Variants in NETO2 observed in about 807,000 individuals in gnomAD.
NETO2 encodes neuropilin and tolloid like 2, also known as neuropilin and tolloid-like protein 2.
NETO2 carries 28 observed loss-of-function variants against 62.5 expected under a neutral mutation model. The observed-to-expected ratio is 0.45, with a 90% CI of 0.33 to 0.61. NETO2 has a LOEUF of 0.61. NETO2 is among the 20% of genes least tolerant of loss of function. NETO2 has a pLI of 0.02. For missense variants in NETO2, 548 were observed against 643.2 expected, an observed-to-expected ratio of 0.85 and a Z score of 1.60; for synonymous variants, 214 against 219.1, an observed-to-expected ratio of 0.98 and a Z score of 0.21.
At chr16:47,129,593 GC>G (rs1255651944) in intron 2 of NETO2, among the ~76,000 whole-genome samples, 12 of 152,124 alleles carry the variant, frequency 7.9e-5, no homozygotes, top group Admixed American at 6.6e-4. Context: ...GAAATAAAGG[GC>G]TTATAGGCAC....
chr16:47,094,906 A>G (rs997324950), intron 7 of NETO2, among the ~76,000 whole-genome samples: 1 of 152,062 alleles, frequency 6.6e-6, no homozygotes, highest in South Asian at 2.1e-4. Context: ...GGGTTTCACC[A>G]TGTTGGCTAG....
Position 47,143,627 on chromosome 16 carries a change from C to T in NETO2, c.-15G>A, listed in dbSNP as rs1250587731. On this transcript the variant is annotated 5_prime_UTR_variant, in exon 1 of 9. Coordinates refer to ENST00000562435, the MANE Select transcript of NETO2 (RefSeq NM_018092.5). Reference sequence around the variant, plus strand: ...TCCAGGGCCATGTTCCCGAGCTGCCCGGCGCTTCGCGAAGGGCTGAGGTAG... The same window carrying T: ...TCCAGGGCCATGTTCCCGAGCTGCCTGGCGCTTCGCGAAGGGCTGAGGTAG... The T allele has an allele frequency of 4.9e-6, 6 of 1,220,966 alleles. No individual in the cohort carries two copies. Among genetic ancestry groups the T allele is most frequent in the East Asian group, 3.3e-5 (1 of 30,406 alleles). The allele number at this position is 1,220,966 out of a possible 1,614,324, so 75.6% of individuals were successfully genotyped here. A position where few individuals can be genotyped will look rare whatever the true frequency, so the allele number is the denominator to read the frequency against.
At chr16:47,123,061 C>T (rs1357881436) in intron 4 of NETO2, 149 bp from the exon 5 acceptor site, 7 of 693,696 alleles carry the variant, frequency 1.0e-5, no homozygotes, top group East Asian at 2.6e-5. Context: ...TTTAGGAGCT[C>T]GCTTACAGGA....
chr16:47,129,465 T>G (rs1019359223), intron 2 of NETO2, 101 bp from the exon 3 acceptor site: 1 of 1,193,078 alleles, frequency 8.4e-7, no homozygotes, highest in Non-Finnish European at 1.2e-6. Context: ...CTATGCTACA[T>G]ATATAAAATT....
At chr16:47,132,114 G>C in intron 1 of NETO2, 89 bp from the exon 2 acceptor site, 2 of 992,876 alleles carry the variant, frequency 2.0e-6, no homozygotes, top group South Asian at 2.7e-5. Context: ...GACAAAAAAA[G>C]ATTAACTAAA....
chr16:47,101,348 G>A (rs1963538806), intron 7 of NETO2, among the ~76,000 whole-genome samples: 1 of 152,110 alleles, frequency 6.6e-6, no homozygotes, highest in African/African-American at 2.4e-5. Flanking sequence ...GGCAAAAGCT[G>A]GAAGCATTCC....
At chr16:47,118,624 T>C (rs747753646) in intron 6 of NETO2, among the ~76,000 whole-genome samples, 4 of 152,258 alleles carry the variant, frequency 2.6e-5, no homozygotes, top group South Asian at 2.1e-4. Context: ...TATTCTCTTA[T>C]GATAGTCTAA....
At chr16:47,134,508 A>G (rs1201173846) in intron 1 of NETO2, among the ~76,000 whole-genome samples, 1 of 152,180 alleles carries the variant, frequency 6.6e-6, no homozygotes, top group East Asian at 1.9e-4. Context: ...TAATTCAGCA[A>G]ATAACCCAAC....
chr16:47,095,803 G>A (rs1278890799), intron 7 of NETO2, among the ~76,000 whole-genome samples: 3 of 152,068 alleles, frequency 2.0e-5, no homozygotes, highest in Admixed American at 6.5e-5. Flanking sequence ...CACCACTATA[G>A]ACCAAATGGA....
At chr16:47,133,417 G>T (rs530856362) in intron 1 of NETO2, among the ~76,000 whole-genome samples, 1 of 151,686 alleles carries the variant, frequency 6.6e-6, no homozygotes, top group Non-Finnish European at 1.5e-5. Context: ...AATTAGCCAG[G>T]CATGGTGGCA....
chr16:47,122,310 AT>A (rs1169164415), intron 6 of NETO2, among the ~76,000 whole-genome samples: 1 of 152,076 alleles, frequency 6.6e-6, no homozygotes, highest in East Asian at 1.9e-4. Context: ...CTTGTAGCCT[AT>A]TTTCTTCCTC....
In NETO2 at chr16:47,086,110, A is replaced by C. The variant is rs1963184237; in HGVS notation, c.997+116T>G. 6.8e-6 allele frequency: 5 copies of C among 730,606 alleles called. No individual in the cohort carries two copies. In the South Asian group the frequency reaches 7.4e-5, roughly 11 times the overall value. 45.3% of individuals were successfully genotyped at this position (730,606 alleles called of 1,614,324 possible). A position where few individuals can be genotyped will look rare whatever the true frequency, so the allele number is the denominator to read the frequency against. Reference sequence around the variant, plus strand: ...GACAGAGCAGGACTCCGTCTCAAACAAACAAACAAAAAGCAGCTATGCTAA... The same window carrying C: ...GACAGAGCAGGACTCCGTCTCAAACCAACAAACAAAAAGCAGCTATGCTAA... On this transcript the variant is annotated intron_variant, in intron 8 of 8. Transcript: ENST00000562435.
intron 6 of NETO2, among the ~76,000 whole-genome samples, chr16:47,113,585 CTTT>C (rs953891691): frequency 1.9e-5 from 2 of 106,638 alleles, no homozygotes; most frequent in South Asian, 3.2e-4. Context: ...ACAGTTTATT[CTTT>C]TTTTTTTTTT....
intron 7 of NETO2, among the ~76,000 whole-genome samples, chr16:47,106,800 G>A (rs1963685165): frequency 6.8e-6 from 1 of 148,076 alleles, no homozygotes; most frequent in African/African-American, 2.5e-5. Context: ...TTTTTTTTGA[G>A]ACAGGGTCTC....
chr16:47,139,580 T>A (rs1964424466), intron 1 of NETO2, among the ~76,000 whole-genome samples: 1 of 152,120 alleles, frequency 6.6e-6, no homozygotes. Context: ...TCAATTAGAG[T>A]CCACATACTA....
chr16:47,081,083 A>G lies in NETO2; in HGVS notation c.*2138T>C, dbSNP rs1033700022. On this transcript the variant is annotated 3_prime_UTR_variant, in exon 9 of 9. Coordinates refer to ENST00000562435, the MANE Select transcript of NETO2 (RefSeq NM_018092.5). Reference sequence around the variant, plus strand: ...CCTTATAAATAGAAATCAAATTTCAAAAACAAAAATGTAGTTACAAGTGAC... The same window carrying G: ...CCTTATAAATAGAAATCAAATTTCAGAAACAAAAATGTAGTTACAAGTGAC... 2.0e-5 allele frequency: 3 copies of G among 152,206 alleles called. No individual in the cohort carries two copies. The highest frequency in any genetic ancestry group is 7.2e-5 in the African/African-American group (3 of 41,464). 9.4% of individuals were successfully genotyped at this position (152,206 alleles called of 1,614,324 possible).
chr16:47,094,455 T>C (rs1160503451), intron 7 of NETO2, among the ~76,000 whole-genome samples: 5 of 151,654 alleles, frequency 3.3e-5, no homozygotes, highest in Non-Finnish European at 5.9e-5. Context: ...AGACGGAGTC[T>C]TACTCTGTCA....
In NETO2 at chr16:47,109,718, T is replaced by C; in HGVS notation, c.655-7A>G. 3 of 1,572,218 alleles carry C rather than the reference T, an allele frequency of 1.9e-6. No individual in the cohort carries two copies. The highest frequency in any genetic ancestry group is 2.6e-6 in the Non-Finnish European group (3 of 1,142,850). The stretch of plus-strand genomic sequence containing the variant: ...CTAGGAACCTCAAATAAATCTGTAA[T>C]ATTAACACAAAAACACTGCTTTTAA... On this transcript the variant is annotated splice_polypyrimidine_tract_variant and splice_region_variant and intron_variant, in intron 6 of 8. Coordinates refer to ENST00000562435, the MANE Select transcript of NETO2 (RefSeq NM_018092.5).
intron 1 of NETO2, among the ~76,000 whole-genome samples, chr16:47,134,480 G>T (rs949973614): frequency 6.6e-6 from 1 of 152,134 alleles, no homozygotes; most frequent in African/African-American, 2.4e-5. Context: ...GAAAAGTCAG[G>T]TAATAGTAGG....
Sources: gnomAD v4.1 joint callset for allele counts (sites outside exome capture counted in the v4.1 genomes callset) on GRCh38, gnomAD v4.1.1 for gene constraint, MANE v1.5 for transcripts, NCBI Gene and HGNC (gene_info 2026-07-23, HGNC 2026-07-21) for gene names.